The following PABPC4L variants were observed in gnomAD, a reference collection of about 807,000 sequenced individuals.
PABPC4L encodes poly(A) binding protein cytoplasmic 4 like, also known as polyadenylate-binding protein 4-like.
For synonymous variants in PABPC4L, 169 were observed against 164.1 expected (o/e 1.03, Z -0.23); for missense variants, 452 against 451.4 (o/e 1.00, Z -0.01).
At chr4:134,004,720 C>T in the PABPC4L span, among the ~76,000 whole-genome samples, 76 of 151,870 alleles carry the variant, frequency 5.0e-4, 1 homozygote, top group South Asian at 0.015. Flanking sequence ...AAATGCTCAT[C>T]AACAAATGAA....
chr4:134,155,782 A>T, the PABPC4L span, among the ~76,000 whole-genome samples: 1 of 152,090 alleles, frequency 6.6e-6, no homozygotes, highest in East Asian at 1.9e-4. Context: ...ATATTTTTGT[A>T]ATCTGAATTT....
At chr4:133,981,162 G>GGA in the PABPC4L span, among the ~76,000 whole-genome samples, 34 of 145,586 alleles carry the variant, frequency 2.3e-4, no homozygotes, top group South Asian at 1.5e-3. Context: ...CTCCACTGGG[G>GGA]AAAAAAAAAA....
chr4:134,079,379 G>C, the PABPC4L span, among the ~76,000 whole-genome samples: 12 of 149,238 alleles, frequency 8.0e-5, no homozygotes, highest in Non-Finnish European at 1.5e-4. Context: ...CGGAGATCGA[G>C]ACCATCCTGG....
chr4:134,158,100 G>T, the PABPC4L span, among the ~76,000 whole-genome samples: 1 of 151,766 alleles, frequency 6.6e-6, no homozygotes, highest in Non-Finnish European at 1.5e-5. Flanking sequence ...CTCTGTAAAT[G>T]AAATTAAATT....
chr4:134,011,213 A>T, the PABPC4L span, among the ~76,000 whole-genome samples: 2 of 152,108 alleles, frequency 1.3e-5, no homozygotes, highest in Non-Finnish European at 2.9e-5. Context: ...AAATTCCCCA[A>T]ATACCTTTAC....
chr4:134,134,081 T>C, the PABPC4L span, among the ~76,000 whole-genome samples: 8 of 152,056 alleles, frequency 5.3e-5, no homozygotes, highest in Admixed American at 5.3e-4. Flanking sequence ...TATAAAAGTA[T>C]TGGAAACTTA....
the PABPC4L span, among the ~76,000 whole-genome samples, chr4:134,100,755 C>T: frequency 6.6e-6 from 1 of 151,492 alleles, no homozygotes; most frequent in Non-Finnish European, 1.5e-5. Flanking sequence ...AAATGTGACA[C>T]CACTTATATG....
At chr4:134,190,205 T>C in the PABPC4L span, among the ~76,000 whole-genome samples, 43 of 152,274 alleles carry the variant, frequency 2.8e-4, no homozygotes, top group Non-Finnish European at 4.6e-4. Context: ...TGATTCTCTT[T>C]ATCTGTCTAT....
the PABPC4L span, among the ~76,000 whole-genome samples, chr4:133,990,762 C>T: frequency 0.025 from 3,755 of 152,166 alleles, 161 homozygotes; most frequent in African/African-American, 0.086. Context: ...AGTCCTGCAG[C>T]GAATGATCAA....
At chr4:134,038,368 T>C in the PABPC4L span, among the ~76,000 whole-genome samples, 11 of 152,160 alleles carry the variant, frequency 7.2e-5, no homozygotes, top group African/African-American at 2.7e-4. Flanking sequence ...CCTCTTTTTC[T>C]ATTGTTTTGA....
rs955210271 is a variant in PABPC4L, at chr4:134,197,211, C to T, written c.*2696G>A. The T allele has an allele frequency of 2.0e-5, 3 of 151,678 alleles. No individual in the cohort carries two copies. The highest frequency in any genetic ancestry group is 4.4e-5 in the Non-Finnish European group (3 of 67,650). 9.4% of individuals were successfully genotyped at this position (151,678 alleles called of 1,614,324 possible). On this transcript the variant is annotated 3_prime_UTR_variant, in exon 2 of 2. Coordinates refer to ENST00000421491, the MANE Select transcript of PABPC4L (RefSeq NM_001114734.2). Reference sequence around the variant, plus strand: ...AATCTATGTGAAACTCATATGCCAACTCTAATTCATTGGCTCTCTGAATCA... The same window carrying T: ...AATCTATGTGAAACTCATATGCCAATTCTAATTCATTGGCTCTCTGAATCA...
the PABPC4L span, among the ~76,000 whole-genome samples, chr4:134,022,526 G>T: frequency 1.3e-5 from 2 of 151,952 alleles, no homozygotes; most frequent in Non-Finnish European, 1.5e-5. Context: ...TAATTTACAA[G>T]ACCCCTCTTT....
the PABPC4L span, among the ~76,000 whole-genome samples, chr4:134,007,203 A>G: frequency 6.6e-6 from 1 of 151,836 alleles, no homozygotes; most frequent in Non-Finnish European, 1.5e-5. Flanking sequence ...TCTATTCCCA[A>G]CTTTACATAA....
the PABPC4L span, among the ~76,000 whole-genome samples, chr4:133,963,246 A>G: frequency 1.3e-5 from 2 of 152,158 alleles, no homozygotes; most frequent in Non-Finnish European, 2.9e-5. Context: ...AAGACAAAGA[A>G]TGACATTATA....
At chr4:134,077,292 A>G in the PABPC4L span, among the ~76,000 whole-genome samples, 573 of 152,260 alleles carry the variant, frequency 3.8e-3, 2 homozygotes, top group African/African-American at 0.013. Context: ...GCAGCCATAA[A>G]TATAGGCAAT....
chr4:133,967,888 T>C, the PABPC4L span, among the ~76,000 whole-genome samples: 1 of 152,050 alleles, frequency 6.6e-6, no homozygotes, highest in African/African-American at 2.4e-5. Flanking sequence ...AAGTTAAAGG[T>C]TTAGTCTTAT....
chr4:134,010,866 A>G, the PABPC4L span, among the ~76,000 whole-genome samples: 1 of 152,154 alleles, frequency 6.6e-6, no homozygotes, highest in African/African-American at 2.4e-5. Flanking sequence ...GAAATCACCC[A>G]ATCTCTGTCA....
the PABPC4L span, among the ~76,000 whole-genome samples, chr4:134,071,782 A>G: frequency 6.6e-6 from 1 of 152,180 alleles, no homozygotes; most frequent in Non-Finnish European, 1.5e-5. Context: ...GAAGTGAAAC[A>G]ATTTAGAAAA....
chr4:134,141,788 G>T, the PABPC4L span, among the ~76,000 whole-genome samples: 1 of 151,518 alleles, frequency 6.6e-6, no homozygotes, highest in Admixed American at 6.6e-5. Flanking sequence ...AAATCACATA[G>T]AGGCCATGTC....
Sources: allele counts gnomAD v4.1 joint callset (sites outside exome capture counted in the v4.1 genomes callset), GRCh38; gene constraint gnomAD v4.1.1; transcripts MANE v1.5; gene names NCBI Gene and HGNC (gene_info 2026-07-23, HGNC 2026-07-21).